Variants in ZFHX3 observed in about 807,000 individuals in gnomAD.
The protein encoded by ZFHX3 is zinc finger homeobox protein 3.
A neutral mutation model predicts 279.1 loss-of-function variants in ZFHX3; 42 were observed. That is an observed-to-expected ratio of 0.15 (90% CI 0.12 to 0.19). The LOEUF is 0.19. ZFHX3 is among the 10% of genes least tolerant of loss of function. The probability of loss-of-function intolerance (pLI) is 1.00; values close to 1 mark genes in which losing one functional copy is unlikely to be tolerated. For missense variants in ZFHX3, 4,981 were observed against 4,754.0 expected (o/e 1.05, Z -1.40); for synonymous variants, 2,293 against 1,957.8 (o/e 1.17, Z -4.52).
At chr16:73,882,486 C>T (rs1567439258) in intron 1 of ZFHX3, among the ~76,000 whole-genome samples, 1 of 151,842 alleles carries the variant, frequency 6.6e-6, no homozygotes, top group African/African-American at 2.4e-5. Context: ...CTCTAAAAAG[C>T]TCTTTAACCG....
At chr16:72,835,020 A>G (rs1432161222) in intron 4 of ZFHX3, among the ~76,000 whole-genome samples, 2 of 152,204 alleles carry the variant, frequency 1.3e-5, no homozygotes, top group Non-Finnish European at 2.9e-5. Flanking sequence ...TCAGTGTGAC[A>G]GAAATTTGGA....
intron 4 of ZFHX3, among the ~76,000 whole-genome samples, chr16:72,835,901 G>A (rs1395543798): frequency 6.6e-6 from 1 of 152,078 alleles, no homozygotes; most frequent in African/African-American, 2.4e-5. Context: ...AACCTCTACT[G>A]GCTGCAAATA....
chr16:73,404,194 C>T (rs1051883985), intron 3 of ZFHX3, among the ~76,000 whole-genome samples: 2 of 152,136 alleles, frequency 1.3e-5, no homozygotes, highest in Non-Finnish European at 2.9e-5. Context: ...GCCCCTCCCA[C>T]CCCCTCAACC....
Position 72,795,616 on chromosome 16 carries a change from C to A in ZFHX3, c.7066G>T (p.Asp2356Tyr). 1 of 1,613,746 alleles carries A rather than the reference C, an allele frequency of 6.2e-7. No homozygotes were observed. The highest frequency in any genetic ancestry group is 8.5e-7 in the Non-Finnish European group (1 of 1,179,866). The change falls in exon 9 of 10, where the codon GAT becomes TAT. Residue 2356 changes from aspartate (D) to tyrosine (Y), a missense_variant. Physicochemically the swap from Asp to Tyr is radical, Grantham distance 160. This residue lies in a region of ZFHX3 where 744 missense variants were observed against 701.3 expected (regional missense o/e 1.06). Transcript: ENST00000268489. ...TGGCTGTCGTCCTGCCCCTCCTCAT[C>A]CTCATCCTTGTAACACAGCTTCTTC... ...HQKKLCYKDEDEEGQDDSQNE... is the reference protein window; with the variant it reads ...HQKKLCYKDEYEEGQDDSQNE...
chr16:73,854,907 T>G (rs1961684577), intron 1 of ZFHX3, among the ~76,000 whole-genome samples: 1 of 151,540 alleles, frequency 6.6e-6, no homozygotes, highest in South Asian at 2.1e-4. Context: ...AAAGGGAGTG[T>G]ACCTGAACAC....
intron 2 of ZFHX3, among the ~76,000 whole-genome samples, chr16:73,512,272 C>CAAAAAAAA (rs3087038): frequency 3.4e-5 from 3 of 87,868 alleles, no homozygotes; most frequent in African/African-American, 4.6e-5. Flanking sequence ...CACTAAAATA[C>CAAAAAAAA]AAAAAAAAAA....
At chr16:73,462,738 A>G (rs953072192) in intron 2 of ZFHX3, among the ~76,000 whole-genome samples, 1 of 152,116 alleles carries the variant, frequency 6.6e-6, no homozygotes, top group African/African-American at 2.4e-5. Context: ...TCAATATCTA[A>G]CCAGTCTTAC....
chr16:72,794,312 T>C lies in ZFHX3; in HGVS notation c.8370A>G (p.Lys2790=). The C allele has an allele frequency of 6.2e-7, 1 of 1,609,366 alleles. No homozygotes were observed. Among genetic ancestry groups the C allele is most frequent in the South Asian group, 1.1e-5 (1 of 90,274 alleles). ...GQGVPLSPVS[K]TMELSPRTLL... The stretch of plus-strand genomic sequence containing the variant: ...GAGTTCTGGGTGACAATTCCATGGT[T>C]TTACTCACAGGTGAGAGGGGGACAC... The change falls in exon 9 of 10, where the codon AAA becomes AAG. Residue 2790 remains lysine, a synonymous_variant. Coordinates refer to ENST00000268489, the MANE Select transcript of ZFHX3 (RefSeq NM_006885.4). This position sits in a 1 kb window ranked among gnomAD's most constrained non-coding sequence, Gnocchi z 4.2.
intron 1 of ZFHX3, among the ~76,000 whole-genome samples, chr16:72,991,534 G>C (rs1320705649): frequency 2.6e-5 from 4 of 152,244 alleles, no homozygotes; most frequent in Admixed American, 2.6e-4. Context: ...CCATAGGGTT[G>C]TAAGGATTAA....
At chr16:73,539,433 C>CTTCTTT (rs2019970949) in intron 2 of ZFHX3, among the ~76,000 whole-genome samples, 2 of 65,086 alleles carry the variant, frequency 3.1e-5, no homozygotes, top group East Asian at 5.0e-4. Flanking sequence ...TCCTCTTCTT[C>CTTCTTT]TTTTTTTTTT....
At chr16:73,297,614 G>A (rs2014948172) in intron 4 of ZFHX3, among the ~76,000 whole-genome samples, 1 of 151,884 alleles carries the variant, frequency 6.6e-6, no homozygotes, top group Non-Finnish European at 1.5e-5. Context: ...GAGTCAAACG[G>A]GACACATGTA....
intron 1 of ZFHX3, among the ~76,000 whole-genome samples, chr16:73,690,148 C>T (rs969132471): frequency 5.3e-5 from 8 of 152,146 alleles, no homozygotes; most frequent in African/African-American, 1.9e-4. Flanking sequence ...AACTCCTGAC[C>T]TCAGACAATC....
At chr16:73,261,729 G>A (rs2013833250) in intron 4 of ZFHX3, among the ~76,000 whole-genome samples, 1 of 134,624 alleles carries the variant, frequency 7.4e-6, no homozygotes, top group South Asian at 2.4e-4. Flanking sequence ...AGGCTGGAGT[G>A]CAACAGCACA....
intron 8 of ZFHX3, among the ~76,000 whole-genome samples, chr16:73,070,319 T>C (rs758170662): frequency 6.6e-6 from 1 of 152,104 alleles, no homozygotes; most frequent in Non-Finnish European, 1.5e-5. Context: ...TTAATCTAGA[T>C]CCATCTGAGC....
At chr16:72,941,321 G>A (rs1406155039) in intron 3 of ZFHX3, among the ~76,000 whole-genome samples, 1 of 152,188 alleles carries the variant, frequency 6.6e-6, no homozygotes, top group Non-Finnish European at 1.5e-5. Context: ...ATCATTAGAG[G>A]CATTTGTAAA....
chr16:73,770,828 T>C (rs745595246), intron 1 of ZFHX3, among the ~76,000 whole-genome samples: 1 of 152,246 alleles, frequency 6.6e-6, no homozygotes. Flanking sequence ...TTCTCCAACA[T>C]AGCTGCTGAG....
At chr16:73,321,313 G>GCTAGC (rs2015569758) in intron 3 of ZFHX3, among the ~76,000 whole-genome samples, 1 of 152,126 alleles carries the variant, frequency 6.6e-6, no homozygotes, top group Admixed American at 6.5e-5. Context: ...TTAGAGACCT[G>GCTAGC]CTGTCACTAG....
In ZFHX3 at chr16:73,682,962, GAA is replaced by G. The variant is rs575398750; in HGVS notation, c.-1607-2724_-1607-2723del. Among the ~76,000 whole-genome samples the G allele has an allele frequency of 2.8e-4, 7 of 24,932 alleles. 1 individual carries two copies. The highest frequency in any genetic ancestry group is 3.6e-3 in the South Asian group (2 of 558). 16.4% of individuals were successfully genotyped at this position (24,932 alleles called of 152,430 possible). Reference sequence around the variant, plus strand: ...AGAAAGAAAGAAAGAAAGAAAGAAAGAAAGAAAGAAAGAAAGAAAGAAAGAAA... The same window carrying G: ...AGAAAGAAAGAAAGAAAGAAAGAAAGAGAAAGAAAGAAAGAAAGAAAGAAA... On this transcript the variant is annotated intron_variant, in intron 1 of 17. Transcript: ENST00000641206.
chr16:73,484,863 T>C (rs937252137), intron 2 of ZFHX3, among the ~76,000 whole-genome samples: 6 of 152,110 alleles, frequency 3.9e-5, no homozygotes, highest in African/African-American at 1.2e-4. Context: ...TTGTATTTCA[T>C]ACAAATGTAC....
Sources: allele counts gnomAD v4.1 joint callset (sites outside exome capture counted in the v4.1 genomes callset), GRCh38; gene constraint gnomAD v4.1.1; regional missense constraint gnomAD v4.1.1; non-coding constraint Gnocchi (gnomAD v3.1); transcripts MANE v1.5; gene names NCBI Gene and HGNC (gene_info 2026-07-23, HGNC 2026-07-21).